Variants in DOCK1 observed in about 807,000 individuals in gnomAD.
The protein encoded by DOCK1 is dedicator of cytokinesis 1, also known as dedicator of cytokinesis protein 1.
In DOCK1, 138 loss-of-function variants were observed where a neutral mutation model predicts 262.7. The ratio of observed to expected loss-of-function variants is 0.53; its 90% CI spans 0.46 to 0.61. The LOEUF (loss-of-function observed/expected upper bound fraction) is 0.61, where lower values mean the gene tolerates loss of function less well. Among genes scored for constraint, DOCK1 ranks in the 20% least tolerant of loss-of-function variants. DOCK1 has a pLI of 0.00. For synonymous variants in DOCK1, 866 were observed against 867.4 expected, an observed-to-expected ratio of 1.00 and a Z score of 0.03; for missense variants, 1,908 against 2,370.7, an observed-to-expected ratio of 0.80 and a Z score of 4.05.
chr10:126,925,477 G>T (rs542621363), intron 1 of DOCK1, among the ~76,000 whole-genome samples: 2 of 152,138 alleles, frequency 1.3e-5, no homozygotes, highest in African/African-American at 4.8e-5. Context: ...TCTGCCTCTC[G>T]GGTTCAAGCA....
At chr10:127,303,193 G>C (rs11017198) in intron 29 of DOCK1, among the ~76,000 whole-genome samples, 19,491 of 152,096 alleles carry the variant, frequency 0.13, 1,657 homozygotes, top group African/African-American at 0.24. Flanking sequence ...ACCTGGGTGG[G>C]GCAGGTGACA....
chr10:127,019,099 A>G (rs2042221642), intron 13 of DOCK1: 3 of 471,948 alleles, frequency 6.4e-6, no homozygotes, highest in Non-Finnish European at 1.1e-5. Flanking sequence ...GCACCCAGCA[A>G]ATGTCTGGGT....
intron 30 of DOCK1, 137 bp downstream of exon 30, chr10:127,339,221 A>T: frequency 1.4e-6 from 1 of 733,306 alleles, no homozygotes; most frequent in South Asian, 1.7e-5. Flanking sequence ...CGGAATTTGT[A>T]GTATGTACTA....
chr10:127,391,619 C>T (rs201668591), intron 38 of DOCK1, among the ~76,000 whole-genome samples: 3 of 151,760 alleles, frequency 2.0e-5, no homozygotes, highest in African/African-American at 7.3e-5. Context: ...TAGGGAATAG[C>T]GAGCCTTCCC....
intron 14 of DOCK1, 55 bp from the exon 15 acceptor site, chr10:127,024,630 T>C: frequency 6.9e-7 from 1 of 1,451,514 alleles, no homozygotes; most frequent in South Asian, 1.3e-5. Flanking sequence ...GGGAGATGTA[T>C]ATGGTGTCAA....
At chr10:127,261,214 T>G (rs141304904) in intron 29 of DOCK1, among the ~76,000 whole-genome samples, 15 of 60,034 alleles carry the variant, frequency 2.5e-4, no homozygotes, top group East Asian at 6.1e-4. Flanking sequence ...TACCTGCATG[T>G]GTGTGCATGT....
intron 27 of DOCK1, among the ~76,000 whole-genome samples, chr10:127,166,043 T>A (rs972810996): frequency 1.3e-5 from 2 of 152,158 alleles, no homozygotes; most frequent in Non-Finnish European, 2.9e-5. Context: ...TTAAAAAATT[T>A]AAAAAATGCC....
intron 46 of DOCK1, among the ~76,000 whole-genome samples, chr10:127,423,200 T>C (rs1302081374): frequency 6.6e-6 from 1 of 152,234 alleles, no homozygotes; most frequent in Non-Finnish European, 1.5e-5. Flanking sequence ...CAGAATGCTT[T>C]GTTCTCTTTT....
intron 43 of DOCK1, among the ~76,000 whole-genome samples, chr10:127,414,007 G>A (rs2068012443): frequency 6.6e-6 from 1 of 152,108 alleles, no homozygotes; most frequent in Admixed American, 6.5e-5. Flanking sequence ...CGCCTCCCGA[G>A]TTCAAGCGAT....
intron 23 of DOCK1, among the ~76,000 whole-genome samples, chr10:127,073,313 T>A (rs2135942857): frequency 6.6e-6 from 1 of 152,290 alleles, no homozygotes; most frequent in African/African-American, 2.4e-5. Flanking sequence ...ATTCCGAAGT[T>A]CATGTGGAAA....
intron 5 of DOCK1, among the ~76,000 whole-genome samples, chr10:126,989,728 G>A (rs528476825): frequency 6.6e-6 from 1 of 152,258 alleles, no homozygotes; most frequent in South Asian, 2.1e-4. Context: ...CTTGATTATT[G>A]TACGCTTGTA....
intron 1 of DOCK1, among the ~76,000 whole-genome samples, chr10:126,939,044 G>T (rs1281815883): frequency 8.1e-6 from 1 of 123,270 alleles, no homozygotes; most frequent in Non-Finnish European, 1.7e-5. Context: ...GAACACGGTG[G>T]GGGGATGAAC....
intron 27 of DOCK1, among the ~76,000 whole-genome samples, chr10:127,196,811 G>GT (rs2134187037): frequency 6.6e-6 from 1 of 152,132 alleles, no homozygotes; most frequent in South Asian, 2.1e-4. Flanking sequence ...CGTCCTCCGG[G>GT]TTTCTGGGCT....
At chr10:127,225,962 C>T (rs2058620020) in intron 27 of DOCK1, among the ~76,000 whole-genome samples, 1 of 151,614 alleles carries the variant, frequency 6.6e-6, no homozygotes, top group Admixed American at 6.6e-5. Flanking sequence ...CCTGTAATCC[C>T]AGCTACTTGG....
At chr10:127,382,147 A>G (rs563398268) in intron 37 of DOCK1, among the ~76,000 whole-genome samples, 1 of 152,358 alleles carries the variant, frequency 6.6e-6, no homozygotes, top group East Asian at 1.9e-4. Context: ...GTTTGGTGGC[A>G]TTCCACAAAG....
At position 127,437,118 on chromosome 10, in the gene DOCK1, T is replaced by C. The variant is rs1232371894; in HGVS notation, c.5061-1909T>C. Among the ~76,000 whole-genome samples, 1 of 152,208 alleles carries C rather than the reference T, an allele frequency of 6.6e-6. No homozygotes were observed. The highest frequency in any genetic ancestry group is 6.5e-5 in the Admixed American group (1 of 15,282). On this transcript the variant is annotated intron_variant, in intron 48 of 51. Transcript: ENST00000623213. This position sits in a 1 kb window ranked among gnomAD's most constrained non-coding sequence, Gnocchi z 4.4. ...GATTTGATCAGATTCAGATTTGATT[T>C]AGGGACAAGATGACTTCATAGGTAC...
At chr10:127,025,313 G>C (rs1299550301) in intron 15 of DOCK1, 1 of 152,336 alleles carries the variant, frequency 6.6e-6, no homozygotes, top group African/African-American at 2.4e-5. Context: ...TTTGCTTAGA[G>C]GCAGCATGTA....
chr10:127,091,275 G>A (rs1386513493), intron 23 of DOCK1, among the ~76,000 whole-genome samples: 2 of 152,120 alleles, frequency 1.3e-5, no homozygotes, highest in Non-Finnish European at 2.9e-5. Flanking sequence ...GAGCCACTGC[G>A]CCCAGCCTGA....
chr10:126,984,218 T>G (rs1304628363), intron 4 of DOCK1, among the ~76,000 whole-genome samples: 1 of 152,204 alleles, frequency 6.6e-6, no homozygotes, highest in East Asian at 1.9e-4. Context: ...AGCCCTGATT[T>G]GTCTCTTGAC....
Sources: gnomAD v4.1 joint callset for allele counts (sites outside exome capture counted in the v4.1 genomes callset) on GRCh38, gnomAD v4.1.1 for gene constraint, Gnocchi (gnomAD v3.1) non-coding constraint, MANE v1.5 for transcripts, NCBI Gene and HGNC (gene_info 2026-07-23, HGNC 2026-07-21) for gene names.